SERINC5: variants seen among roughly 807,000 people sequenced by gnomAD.
The protein encoded by SERINC5 is serine incorporator 5, also known as chromosome 5 open reading frame 12.
A neutral mutation model predicts 63.1 loss-of-function variants in SERINC5; 41 were observed. The ratio of observed to expected loss-of-function variants is 0.65; its 90% CI spans 0.51 to 0.84. The LOEUF is 0.84. SERINC5 is among the 40% of genes least tolerant of loss of function. The pLI, the probability that SERINC5 is intolerant of heterozygous loss-of-function variation, is 0.00. For missense variants in SERINC5, 523 were observed against 573.0 expected (o/e 0.91, Z 0.89); for synonymous variants, 222 against 215.2 (o/e 1.03, Z -0.28).
chr5:80,138,967 T>C lies in SERINC5; in HGVS notation c.*4696A>G, dbSNP rs1745344877. On this transcript the variant is annotated 3_prime_UTR_variant, in exon 12 of 12. Coordinates refer to ENST00000507668, the MANE Select transcript of SERINC5 (RefSeq NM_001174072.3). ...TTTTATATAGGAAAAGCCTAGTCAA[T>C]TCAGATGCTTTCTAGAAAAATTAAC... 1 of 976,998 alleles carries C rather than the reference T, an allele frequency of 1.0e-6. No individual in the cohort carries two copies. The highest frequency in any genetic ancestry group is 1.8e-5 in the African/African-American group (1 of 57,036). The allele number at this position is 976,998 out of a possible 1,614,324, so 60.5% of individuals were successfully genotyped here.
At position 80,150,264 on chromosome 5, in the gene SERINC5, C is replaced by T. The variant is rs183596332; in HGVS notation, c.1053+618G>A. Among the ~76,000 whole-genome samples the T allele has an allele frequency of 3.8e-3, 573 of 152,188 alleles. 4 individuals are homozygous for T. The highest frequency in any genetic ancestry group is 0.012 in the African/African-American group (507 of 41,530). ...AATAAAACCCACCAAGACTCCACTA[C>T]GGCAAGGGAAGAGCGCAGGGTGCAG... is the stretch of plus-strand genomic sequence containing the variant. On this transcript the variant is annotated intron_variant, in intron 9 of 11. Transcript: ENST00000507668.
At chr5:80,188,228 C>T (rs928128553) in intron 2 of SERINC5, among the ~76,000 whole-genome samples, 4 of 143,046 alleles carry the variant, frequency 2.8e-5, no homozygotes, top group South Asian at 2.2e-4. Flanking sequence ...GTTTGCAGTG[C>T]GCTGAGATCC....
chr5:80,232,142 C>T (rs1328952919), intron 1 of SERINC5, among the ~76,000 whole-genome samples: 9 of 150,248 alleles, frequency 6.0e-5, no homozygotes, highest in Non-Finnish European at 1.2e-4. Context: ...AGGTGGCTCA[C>T]GCCTGTAATC....
chr5:80,178,714 T>C (rs1748218378), intron 2 of SERINC5, among the ~76,000 whole-genome samples: 1 of 151,824 alleles, frequency 6.6e-6, no homozygotes. Flanking sequence ...GGATATATTT[T>C]TGTTGATATG....
At chr5:80,175,766 A>G (rs1241552049) in intron 4 of SERINC5, among the ~76,000 whole-genome samples, 5 of 148,640 alleles carry the variant, frequency 3.4e-5, no homozygotes, top group Non-Finnish European at 3.0e-5. Context: ...CAGGAGGCTG[A>G]GGCAGGAGAA....
intron 6 of SERINC5, among the ~76,000 whole-genome samples, chr5:80,168,877 G>A (rs1747471926): frequency 6.6e-6 from 1 of 152,174 alleles, no homozygotes; most frequent in Admixed American, 6.5e-5. Flanking sequence ...TGCTGGCTGA[G>A]CTGGGATGGG....
At chr5:80,210,036 CCA>C (rs1471173284) in intron 1 of SERINC5, among the ~76,000 whole-genome samples, 1 of 148,278 alleles carries the variant, frequency 6.7e-6, no homozygotes, top group Non-Finnish European at 1.5e-5. Context: ...CTGGTCTAGG[CCA>C]CAGAGATCCT....
intron 7 of SERINC5, among the ~76,000 whole-genome samples, chr5:80,162,873 C>T (rs547872582): frequency 4.6e-5 from 7 of 151,070 alleles, no homozygotes; most frequent in African/African-American, 1.5e-4. Flanking sequence ...GAGTTTCACT[C>T]TGTTGTCCAG....
At chr5:80,209,082 C>T (rs1165778137) in intron 1 of SERINC5, among the ~76,000 whole-genome samples, 5 of 152,178 alleles carry the variant, frequency 3.3e-5, no homozygotes, top group African/African-American at 1.2e-4. Flanking sequence ...GCCAACCTGG[C>T]CAACATGGCA....
intron 11 of SERINC5, among the ~76,000 whole-genome samples, chr5:80,114,109 C>T (rs1561343539): frequency 6.6e-6 from 1 of 152,058 alleles, no homozygotes; most frequent in African/African-American, 2.4e-5. Flanking sequence ...CCCAAACAAA[C>T]AACTGAAAGC....
intron 1 of SERINC5, among the ~76,000 whole-genome samples, chr5:80,235,405 T>G (rs896337303): frequency 6.6e-6 from 1 of 152,208 alleles, no homozygotes; most frequent in Non-Finnish European, 1.5e-5. Context: ...TGTTCCAAGT[T>G]TACTTCTAAT....
chr5:80,150,775 A>G (rs1746126262), intron 9 of SERINC5, 107 bp downstream of exon 9: 1 of 843,464 alleles, frequency 1.2e-6, no homozygotes, highest in Non-Finnish European at 2.0e-6. Flanking sequence ...CCTCAGCAGA[A>G]AAACAGGATC....
intron 1 of SERINC5, among the ~76,000 whole-genome samples, chr5:80,239,061 G>C (rs1432173962): frequency 6.6e-6 from 1 of 152,184 alleles, no homozygotes; most frequent in Non-Finnish European, 1.5e-5. Flanking sequence ...GATACCCTGT[G>C]CTCCAGGACC....
At chr5:80,181,601 G>A (rs1160438303) in intron 2 of SERINC5, among the ~76,000 whole-genome samples, 1 of 152,144 alleles carries the variant, frequency 6.6e-6, no homozygotes, top group Non-Finnish European at 1.5e-5. Flanking sequence ...GACTTCATGA[G>A]GAAATAGCCA....
intron 5 of SERINC5, among the ~76,000 whole-genome samples, chr5:80,169,829 G>A (rs1424907861): frequency 6.6e-6 from 1 of 152,138 alleles, no homozygotes; most frequent in Non-Finnish European, 1.5e-5. Flanking sequence ...TCATTAAAAT[G>A]AATAATGTCA....
At chr5:80,215,872 G>A (rs1274321274) in intron 1 of SERINC5, among the ~76,000 whole-genome samples, 2 of 152,152 alleles carry the variant, frequency 1.3e-5, no homozygotes, top group Non-Finnish European at 2.9e-5. Context: ...GTGGAGTCTG[G>A]GACAAAGATG....
intron 1 of SERINC5, among the ~76,000 whole-genome samples, chr5:80,252,747 T>G (rs1752487199): frequency 1.3e-5 from 2 of 152,194 alleles, no homozygotes; most frequent in African/African-American, 2.4e-5. Context: ...AAGTACCCAT[T>G]CAATAGTTGA....
intron 11 of SERINC5, among the ~76,000 whole-genome samples, chr5:80,125,467 C>G (rs763264947): frequency 2.0e-5 from 3 of 152,004 alleles, no homozygotes; most frequent in Non-Finnish European, 2.9e-5. Context: ...CAAGGAAAGG[C>G]ATTTCAGGAA....
intron 8 of SERINC5, 85 bp from the exon 9 acceptor site, chr5:80,151,033 C>A: frequency 1.1e-6 from 1 of 916,430 alleles, no homozygotes; most frequent in South Asian, 1.3e-5. Flanking sequence ...GGCCAGTGCT[C>A]CGACGAGAGC....
Sources: gnomAD v4.1 joint callset for allele counts (sites outside exome capture counted in the v4.1 genomes callset) on GRCh38, gnomAD v4.1.1 for gene constraint, MANE v1.5 for transcripts, NCBI Gene and HGNC (gene_info 2026-07-23, HGNC 2026-07-21) for gene names.